The following HACE1 variants were observed in gnomAD, a reference collection of about 807,000 sequenced individuals.
The protein encoded by HACE1 is HECT domain and ankyrin repeat containing E3 ubiquitin protein ligase 1.
In HACE1, 73 loss-of-function variants were observed where a neutral mutation model predicts 118.4. The observed-to-expected ratio is 0.62, with a 90% CI of 0.51 to 0.75. HACE1 has a LOEUF of 0.75. Among genes scored for constraint, HACE1 ranks in the 30% least tolerant of loss-of-function variants. The probability of loss-of-function intolerance (pLI) is 0.00; values close to 1 mark genes in which losing one functional copy is unlikely to be tolerated. For synonymous variants in HACE1, 368 were observed against 374.8 expected (o/e 0.98, Z 0.21); for missense variants, 749 against 1,102.2 (o/e 0.68, Z 4.54).
At chr6:104,824,551 GA>G (rs1342236560) in intron 6 of HACE1, among the ~76,000 whole-genome samples, 1 of 152,172 alleles carries the variant, frequency 6.6e-6, no homozygotes, top group Non-Finnish European at 1.5e-5. Flanking sequence ...GGCTCTTGAA[GA>G]AACAACACTA....
rs73768838 is a variant in HACE1, at chr6:104,833,269, A to T, written c.403-96T>A. 749 of 1,108,498 alleles carry T rather than the reference A, an allele frequency of 6.8e-4. 2 individuals carry two copies. In the African/African-American group the frequency reaches 0.01, roughly 15 times the overall value. The allele number at this position is 1,108,498 out of a possible 1,614,324, so 68.7% of individuals were successfully genotyped here. On this transcript the variant is annotated intron_variant, in intron 5 of 23. Coordinates refer to ENST00000262903, the MANE Select transcript of HACE1 (RefSeq NM_020771.4). ...TATTTCTCAGCTGGGCGTGATTTGC[A>T]CATGCAAATCTAAAGGTGTTTTAAG...
intron 10 of HACE1, among the ~76,000 whole-genome samples, chr6:104,793,231 C>CGCGA (rs1316901030): frequency 7.3e-4 from 106 of 144,592 alleles, no homozygotes; most frequent in African/African-American, 2.4e-3. Flanking sequence ...CGCGCCACTG[C>CGCGA]ACTCCAGCCT....
At chr6:104,762,802 A>C (rs1372901571) in intron 19 of HACE1, among the ~76,000 whole-genome samples, 1 of 151,956 alleles carries the variant, frequency 6.6e-6, no homozygotes, top group East Asian at 1.9e-4. Context: ...CATCCTGGCT[A>C]ACACAGTGAA....
chr6:104,820,081 G>A (rs1772534887), intron 6 of HACE1, among the ~76,000 whole-genome samples: 1 of 151,772 alleles, frequency 6.6e-6, no homozygotes, highest in South Asian at 2.1e-4. Flanking sequence ...TGTAATCCCA[G>A]CTACTCAGGA....
rs763754468 is a variant in HACE1 at position 104,777,335 on chromosome 6, A to G, written c.1567-18T>C. ...TTAAAAGGCTAGCTCAAAAAATAAG[A>G]GTAAAATATGTTAGCAGTGTATCAG... On this transcript the variant is annotated intron_variant, in intron 14 of 23. Transcript: ENST00000262903. 3.4e-6 allele frequency: 5 copies of G among 1,461,912 alleles called. No homozygotes were observed. In the South Asian group the frequency reaches 4.5e-5, roughly 13 times the overall value. 90.6% of individuals were successfully genotyped at this position (1,461,912 alleles called of 1,614,324 possible).
At chr6:104,796,826 TA>T (rs1258487499) in intron 8 of HACE1, 70 bp from the exon 9 acceptor site, 19 of 1,118,852 alleles carry the variant, frequency 1.7e-5, no homozygotes, top group Non-Finnish European at 2.2e-5. Context: ...CTTCACACAA[TA>T]AAAATCTTTG....
intron 19 of HACE1, among the ~76,000 whole-genome samples, chr6:104,760,429 G>C (rs1779216173): frequency 6.6e-6 from 1 of 152,060 alleles, no homozygotes; most frequent in Admixed American, 6.6e-5. Context: ...CAAATAAACA[G>C]AACCAACAGC....
In HACE1 at chr6:104,729,750, T is replaced by G; in HGVS notation, c.2642A>C (p.Lys881Thr). ...TTCTTTACTTGGGTATTCAGGTAACTTGAGCATGTTGATGCTTTAAAAGAA... is the reference window on the plus strand; with the variant it reads ...TTCTTTACTTGGGTATTCAGGTAACGTGAGCATGTTGATGCTTTAAAAGAA... ...PTSSTCINML[K>T]LPEYPSKEIL... is the part of the protein sequence containing the mutation. The change falls in exon 24 of 24, where the codon AAG becomes ACG. Residue 881 changes from lysine to threonine, a missense_variant. Coordinates refer to ENST00000262903, the MANE Select transcript of HACE1 (RefSeq NM_020771.4). 6.7e-7 allele frequency: 1 copy of G among 1,488,398 alleles called. No homozygotes were observed. The highest frequency in any genetic ancestry group is 1.1e-5 in the South Asian group (1 of 88,706). 92.2% of individuals were successfully genotyped at this position (1,488,398 alleles called of 1,614,324 possible).
intron 7 of HACE1, among the ~76,000 whole-genome samples, chr6:104,808,562 A>C (rs991548112): frequency 6.6e-6 from 1 of 152,180 alleles, no homozygotes; most frequent in Non-Finnish European, 1.5e-5. Context: ...TAATTGCAAA[A>C]TTCAAATACA....
At chr6:104,836,998 C>T (rs943191912) in intron 5 of HACE1, among the ~76,000 whole-genome samples, 7 of 152,120 alleles carry the variant, frequency 4.6e-5, no homozygotes, top group African/African-American at 1.7e-4. Flanking sequence ...AAATCAAAGA[C>T]CTAAGTAAGT....
chr6:104,741,344 C>A (rs1190495517), intron 22 of HACE1, among the ~76,000 whole-genome samples: 1 of 148,860 alleles, frequency 6.7e-6, no homozygotes, highest in South Asian at 2.1e-4. Flanking sequence ...AAAGGGTATT[C>A]AATTAGGAAA....
intron 5 of HACE1, among the ~76,000 whole-genome samples, chr6:104,839,166 T>G (rs1352932312): frequency 6.6e-6 from 1 of 152,160 alleles, no homozygotes; most frequent in East Asian, 1.9e-4. Context: ...TGTGAATTAG[T>G]ATAGCCACTA....
chr6:104,796,259 T>C (rs1769610615), intron 9 of HACE1, among the ~76,000 whole-genome samples: 2 of 151,942 alleles, frequency 1.3e-5, no homozygotes, highest in African/African-American at 4.8e-5. Flanking sequence ...TACAGATGCA[T>C]GCCACTACAC....
chr6:104,836,432 G>T lies in HACE1; in HGVS notation c.403-3259C>A, dbSNP rs546734438. On this transcript the variant is annotated intron_variant, in intron 5 of 23. Coordinates refer to ENST00000262903, the MANE Select transcript of HACE1 (RefSeq NM_020771.4). ...ACAAACTGCGAAGAAAGAAATAAAG[G>T]CCTGGCGCGGTGGCTCACACCTGTA... Among the ~76,000 whole-genome samples, 17 of 152,268 alleles carry T rather than the reference G, an allele frequency of 1.1e-4. No individual in the cohort carries two copies. In the South Asian group the frequency reaches 2.5e-3, roughly 22 times the overall value.
chr6:104,806,435 C>G (rs1582570189), intron 7 of HACE1, among the ~76,000 whole-genome samples: 1 of 152,074 alleles, frequency 6.6e-6, no homozygotes, highest in Non-Finnish European at 1.5e-5. Context: ...GCACTCCAGC[C>G]TGGGTGGCAG....
intron 4 of HACE1, among the ~76,000 whole-genome samples, chr6:104,847,292 A>G (rs1440058585): frequency 6.6e-6 from 1 of 152,172 alleles, no homozygotes; most frequent in Admixed American, 6.6e-5. Flanking sequence ...GAGTACTATG[A>G]TATTTTTCTA....
chr6:104,851,006 A>G lies in HACE1; in HGVS notation c.132-10T>C, dbSNP rs372307319. ...TAGTTCAGAAACAGACCTATGCCAA[A>G]ATAAAAATGAGGAATCAAGTGTAAA... On this transcript the variant is annotated splice_polypyrimidine_tract_variant and intron_variant, in intron 2 of 23. Transcript: ENST00000262903. The G allele has an allele frequency of 1.7e-5, 26 of 1,503,802 alleles. No homozygotes were observed. The African/African-American group carries it at 3.6e-4, about 21-fold the overall frequency. The allele number at this position is 1,503,802 out of a possible 1,614,324, so 93.2% of individuals were successfully genotyped here. A position where few individuals can be genotyped will look rare whatever the true frequency, so the allele number is the denominator to read the frequency against.
chr6:104,859,536 G>A, intron 1 of HACE1, 31 bp downstream of exon 1: 1 of 1,487,958 alleles, frequency 6.7e-7, no homozygotes, highest in Non-Finnish European at 8.9e-7. Flanking sequence ...CCCCAGCCCC[G>A]CGGCCAGCCT....
In HACE1 at chr6:104,744,557, A is replaced by G. The variant is rs768031443; in HGVS notation, c.2397T>C (p.Asn799=). The stretch of plus-strand genomic sequence containing the variant: ...TTTCATAGCCACTTGTGTATTCTGT[A>G]TTTTTTATCCAATCACTCACATCAA... ...PEIDVSDWIK[N]TEYTSGYERE... The change falls in exon 21 of 24, where the codon AAT becomes AAC. Residue 799 remains asparagine (N), a synonymous_variant. Transcript: ENST00000262903. 6.2e-7 allele frequency: 1 copy of G among 1,606,686 alleles called. No homozygotes were observed.
Sources: allele counts gnomAD v4.1 joint callset (sites outside exome capture counted in the v4.1 genomes callset), GRCh38; gene constraint gnomAD v4.1.1; transcripts MANE v1.5; gene names NCBI Gene and HGNC (gene_info 2026-07-23, HGNC 2026-07-21).